Variants in PTPRT observed in about 807,000 individuals in gnomAD.
PTPRT encodes the protein receptor-type tyrosine-protein phosphatase T.
In PTPRT, 56 loss-of-function variants were observed where a neutral mutation model predicts 176.8. The observed-to-expected ratio is 0.32, with a 90% CI of 0.26 to 0.40. The LOEUF (loss-of-function observed/expected upper bound fraction) is 0.40. Among genes scored for constraint, PTPRT ranks in the 10% least tolerant of loss-of-function variants. PTPRT has a pLI of 1.00. For synonymous variants in PTPRT, 783 were observed against 739.0 expected (o/e 1.06, Z -0.96); for missense variants, 1,540 against 1,908.2 (o/e 0.81, Z 3.60).
Position 42,080,329 on chromosome 20 carries a change from T to C in PTPRT, c.*550A>G, listed in dbSNP as rs1183740194. ...TAGGTGTGAGGATGGGGGGCCTCTC[T>C]TGTGGCCTAGGGAACATCGTAAGGT... On this transcript the variant is annotated 3_prime_UTR_variant, in exon 31 of 31. Coordinates refer to ENST00000373187, the MANE Select transcript of PTPRT (RefSeq NM_007050.6). 2 of 233,082 alleles carry C rather than the reference T, an allele frequency of 8.6e-6. No individual in the cohort carries two copies. Among genetic ancestry groups the C allele is most frequent in the Non-Finnish European group, 1.7e-5 (2 of 118,118 alleles). 14.4% of individuals were successfully genotyped at this position (233,082 alleles called of 1,614,324 possible).
At position 42,443,675 on chromosome 20, in the gene PTPRT, T is replaced by C. The variant is rs570633456; in HGVS notation, c.1560+4545A>G. ...CGGTTTCATAGCCCTGGAGTGGTAATAGGGTCAGGGTGAGACACCCATCTT... is the reference window on the plus strand; with the variant it reads ...CGGTTTCATAGCCCTGGAGTGGTAACAGGGTCAGGGTGAGACACCCATCTT... On this transcript the variant is annotated intron_variant, in intron 9 of 30. Coordinates refer to ENST00000373187, the MANE Select transcript of PTPRT (RefSeq NM_007050.6). 8.5e-5 allele frequency among the ~76,000 whole-genome samples: 13 copies of C among 152,108 alleles called. No individual in the cohort carries two copies. The South Asian group carries it at 2.3e-3, about 27-fold the overall frequency.
chr20:42,570,326 A>G (rs1601291437), intron 7 of PTPRT, among the ~76,000 whole-genome samples: 1 of 152,184 alleles, frequency 6.6e-6, no homozygotes, highest in South Asian at 2.1e-4. Context: ...GATATTCCTC[A>G]CTTTAATGTG....
intron 7 of PTPRT, among the ~76,000 whole-genome samples, chr20:42,514,646 ACT>A (rs879371632): frequency 6.6e-6 from 1 of 152,042 alleles, no homozygotes; most frequent in Non-Finnish European, 1.5e-5. Flanking sequence ...CTTTAAGAAG[ACT>A]CTACCTCACA....
At chr20:42,669,682 C>A (rs2075380516) in intron 7 of PTPRT, among the ~76,000 whole-genome samples, 1 of 152,050 alleles carries the variant, frequency 6.6e-6, no homozygotes, top group Non-Finnish European at 1.5e-5. Context: ...TTTTCTAGAC[C>A]TTCAATTACC....
chr20:42,285,387 C>T (rs1224038064), intron 12 of PTPRT, among the ~76,000 whole-genome samples: 1 of 151,976 alleles, frequency 6.6e-6, no homozygotes, highest in Non-Finnish European at 1.5e-5. Context: ...CTTGCCAGTT[C>T]TGTGCATGAT....
chr20:42,925,403 G>A (rs1036596412), intron 1 of PTPRT, among the ~76,000 whole-genome samples: 1 of 152,144 alleles, frequency 6.6e-6, no homozygotes, highest in African/African-American at 2.4e-5. Context: ...TCTGACCCTA[G>A]AACATGGTTC....
chr20:42,355,775 T>A (rs1203443698), intron 9 of PTPRT, among the ~76,000 whole-genome samples: 1 of 152,164 alleles, frequency 6.6e-6, no homozygotes, highest in Non-Finnish European at 1.5e-5. Flanking sequence ...CTGCTTGGAC[T>A]GGTGGCAACT....
At chr20:42,544,222 T>C (rs1294089216) in intron 7 of PTPRT, among the ~76,000 whole-genome samples, 1 of 152,222 alleles carries the variant, frequency 6.6e-6, no homozygotes, top group African/African-American at 2.4e-5. Flanking sequence ...CTAAAAATCA[T>C]CTGTTTAGTC....
chr20:42,364,835 T>C (rs972832548), intron 9 of PTPRT, among the ~76,000 whole-genome samples: 6 of 152,158 alleles, frequency 3.9e-5, no homozygotes, highest in Non-Finnish European at 7.3e-5. Context: ...AAACTGAGGC[T>C]CAGAGAGGTT....
At chr20:42,646,882 C>CTTTTTT (rs1161994908) in intron 7 of PTPRT, among the ~76,000 whole-genome samples, 890 of 76,280 alleles carry the variant, frequency 0.012, 183 homozygotes, top group African/African-American at 0.062. Context: ...CTAAGACAGC[C>CTTTTTT]TTTTTTTTTT....
intron 2 of PTPRT, among the ~76,000 whole-genome samples, chr20:42,810,373 A>G (rs532165771): frequency 5.9e-5 from 9 of 152,324 alleles, no homozygotes; most frequent in African/African-American, 2.2e-4. Context: ...GGGTGATTAC[A>G]TAAGACAGAA....
chr20:42,557,850 A>G (rs1222175548), intron 7 of PTPRT, among the ~76,000 whole-genome samples: 1 of 152,212 alleles, frequency 6.6e-6, no homozygotes, highest in Non-Finnish European at 1.5e-5. Flanking sequence ...GAAGGCTGGA[A>G]CAGCCATTCC....
At chr20:42,577,923 C>T (rs1444452996) in intron 7 of PTPRT, among the ~76,000 whole-genome samples, 1 of 111,270 alleles carries the variant, frequency 9.0e-6, no homozygotes, top group South Asian at 3.3e-4. Context: ...CTGAGCGAGG[C>T]TGTGTGTGTG....
At chr20:42,208,976 C>G (rs538821091) in intron 15 of PTPRT, among the ~76,000 whole-genome samples, 16 of 152,294 alleles carry the variant, frequency 1.1e-4, no homozygotes, top group African/African-American at 3.6e-4. Context: ...CAAACTAGAA[C>G]TCAGGATTAA....
At chr20:42,398,733 T>A (rs2058875901) in intron 9 of PTPRT, among the ~76,000 whole-genome samples, 1 of 152,176 alleles carries the variant, frequency 6.6e-6, no homozygotes, top group Non-Finnish European at 1.5e-5. Context: ...TTTTTTAATT[T>A]AAAAAAACAT....
intron 5 of PTPRT, among the ~76,000 whole-genome samples, chr20:42,757,452 T>C (rs1600704684): frequency 6.6e-6 from 1 of 152,110 alleles, no homozygotes; most frequent in East Asian, 1.9e-4. Context: ...GATGGGAGCC[T>C]TCCAACACCT....
At chr20:42,209,924 C>T (rs1207272538) in intron 15 of PTPRT, among the ~76,000 whole-genome samples, 1 of 152,138 alleles carries the variant, frequency 6.6e-6, no homozygotes, top group African/African-American at 2.4e-5. Flanking sequence ...ACGAATCCAG[C>T]AGCACATCAA....
At chr20:42,423,458 AG>A (rs1171203982) in intron 9 of PTPRT, among the ~76,000 whole-genome samples, 1 of 152,110 alleles carries the variant, frequency 6.6e-6, no homozygotes, top group African/African-American at 2.4e-5. Flanking sequence ...CAACTCTCTC[AG>A]CCTGTGGCCT....
chr20:42,153,018 C>A (rs1989203575), intron 17 of PTPRT, among the ~76,000 whole-genome samples: 3 of 152,184 alleles, frequency 2.0e-5, no homozygotes. Context: ...ACACAACCTT[C>A]TCCTCTACCC....
Sources: allele counts gnomAD v4.1 joint callset (sites outside exome capture counted in the v4.1 genomes callset), GRCh38; gene constraint gnomAD v4.1.1; transcripts MANE v1.5; gene names NCBI Gene and HGNC (gene_info 2026-07-23, HGNC 2026-07-21).